The following FMNL2 variants were observed in gnomAD, a reference collection of about 807,000 sequenced individuals.
FMNL2 encodes formin like 2.
Under a neutral mutation model 130.2 loss-of-function variants are expected in FMNL2, and 51 were observed. The ratio of observed to expected loss-of-function variants is 0.39; its 90% CI spans 0.31 to 0.49. The LOEUF (loss-of-function observed/expected upper bound fraction) is 0.49, where lower values mean the gene tolerates loss of function less well. Among genes scored for constraint, FMNL2 ranks in the 20% least tolerant of loss-of-function variants. FMNL2 has a pLI of 0.85. For synonymous variants in FMNL2, 465 were observed against 467.1 expected (o/e 1.00, Z 0.06); for missense variants, 977 against 1,316.2 (o/e 0.74, Z 3.99).
chr2:152,350,068 G>A (rs968383118), intron 1 of FMNL2, among the ~76,000 whole-genome samples: 5 of 152,128 alleles, frequency 3.3e-5, no homozygotes, highest in East Asian at 1.9e-4. Flanking sequence ...GAAATGGAGC[G>A]TTTAGATGGT....
intron 14 of FMNL2, 35 bp downstream of exon 14, chr2:152,619,193 T>C (rs1178444147): frequency 4.0e-6 from 6 of 1,518,260 alleles, no homozygotes; most frequent in Non-Finnish European, 4.4e-6. Flanking sequence ...GAGGAAGTTT[T>C]GGAATATTTG....
chr2:152,449,086 G>T (rs1278223598), intron 1 of FMNL2, among the ~76,000 whole-genome samples: 1 of 152,206 alleles, frequency 6.6e-6, no homozygotes, highest in African/African-American at 2.4e-5. Context: ...AACAGAAGGG[G>T]TGTTCAATAT....
At chr2:152,423,497 G>C (rs1307056469) in intron 1 of FMNL2, among the ~76,000 whole-genome samples, 1 of 152,156 alleles carries the variant, frequency 6.6e-6, no homozygotes, top group Non-Finnish European at 1.5e-5. Flanking sequence ...TGGATGGAAG[G>C]CATCAGGAAG....
At chr2:152,598,506 TG>T (rs1697880901) in intron 9 of FMNL2, among the ~76,000 whole-genome samples, 1 of 152,136 alleles carries the variant, frequency 6.6e-6, no homozygotes, top group South Asian at 2.1e-4. Flanking sequence ...CTGGCCAACA[TG>T]GCGAAACCCC....
intron 2 of FMNL2, among the ~76,000 whole-genome samples, chr2:152,540,040 T>C (rs560838620): frequency 2.0e-5 from 3 of 152,216 alleles, no homozygotes; most frequent in Admixed American, 1.3e-4. Flanking sequence ...CAGTGAGCTG[T>C]GATTGTGCCA....
intron 1 of FMNL2, among the ~76,000 whole-genome samples, chr2:152,387,625 GGTT>G (rs1684855348): frequency 6.6e-6 from 1 of 152,060 alleles, no homozygotes; most frequent in South Asian, 2.1e-4. Context: ...CTCCATGTCT[GGTT>G]GTTTTTTAAA....
intron 3 of FMNL2, among the ~76,000 whole-genome samples, chr2:152,546,855 C>A (rs1021708455): frequency 6.6e-6 from 1 of 152,128 alleles, no homozygotes; most frequent in Admixed American, 6.6e-5. Context: ...TACTGACTCT[C>A]CTCTACTCTA....
intron 9 of FMNL2, among the ~76,000 whole-genome samples, chr2:152,589,962 T>TAC (rs1697305703): frequency 2.1e-5 from 1 of 48,680 alleles, no homozygotes; most frequent in Non-Finnish European, 4.0e-5. Flanking sequence ...TATATATATA[T>TAC]ATATATATAT....
intron 25 of FMNL2, chr2:152,643,878 T>C: frequency 1.0e-6 from 1 of 985,426 alleles, no homozygotes; most frequent in Non-Finnish European, 1.2e-6. Flanking sequence ...TTTGAGCTAA[T>C]GTCCTTCAAC....
Position 152,619,573 on chromosome 2 carries a change from T to TCCCCCC in FMNL2, c.1697_1698insCCCCCC (p.Pro572_Pro573dup). 1 of 513,554 alleles carries TCCCCCC rather than the reference T, an allele frequency of 1.9e-6. No individual in the cohort carries two copies. The allele number at this position is 513,554 out of a possible 1,614,324, so 31.8% of individuals were successfully genotyped here. ...CGCCGCCCCCTCCTCCACCTCCTCC[T>TCCCCCC]CCCCCACCGCCCCCTCCGCCTCCTC... On this transcript the variant is annotated inframe_insertion, in exon 15 of 26. Coordinates refer to ENST00000288670, the MANE Select transcript of FMNL2 (RefSeq NM_052905.4).
chr2:152,531,256 C>T (rs1206875559), intron 2 of FMNL2, among the ~76,000 whole-genome samples: 4 of 152,114 alleles, frequency 2.6e-5, no homozygotes, highest in Non-Finnish European at 5.9e-5. Flanking sequence ...TTGTCCTCAG[C>T]AATGACCCAT....
rs1692387876 is a variant in FMNL2, at chr2:152,509,737, C to CTTTTTTTCTT, written c.118-12199_118-12198insCTTTTTTTTT. Among the ~76,000 whole-genome samples the CTTTTTTTCTT allele has an allele frequency of 3.4e-5, 2 of 58,676 alleles. 1 individual carries two copies. The highest frequency in any genetic ancestry group is 5.7e-5 in the Non-Finnish European group (2 of 35,060). The allele number at this position is 58,676 out of a possible 152,430, so 38.5% of individuals were successfully genotyped here. On this transcript the variant is annotated intron_variant, in intron 1 of 25. Transcript: ENST00000288670. ...GAGAAGGTATATCTGTACTCTGGAC[C>CTTTTTTTCTT]TTTTTTTTTTTTTTTTTTTTTTTTT...
chr2:152,604,774 T>C (rs1698266688), intron 9 of FMNL2, among the ~76,000 whole-genome samples: 1 of 152,068 alleles, frequency 6.6e-6, no homozygotes, highest in African/African-American at 2.4e-5. Flanking sequence ...TTTTGTATTT[T>C]TAGTACAGAC....
At chr2:152,513,227 G>C (rs1478921555) in intron 1 of FMNL2, among the ~76,000 whole-genome samples, 1 of 152,162 alleles carries the variant, frequency 6.6e-6, no homozygotes, top group Non-Finnish European at 1.5e-5. Flanking sequence ...TAACCACCTA[G>C]AGACATGATC....
chr2:152,620,526 A>ACG (rs1699197236), intron 15 of FMNL2, among the ~76,000 whole-genome samples: 1 of 152,162 alleles, frequency 6.6e-6, no homozygotes, highest in African/African-American at 2.4e-5. Flanking sequence ...AAGCTTTGCC[A>ACG]TCCCTGTGAC....
intron 1 of FMNL2, among the ~76,000 whole-genome samples, chr2:152,494,256 T>C (rs1691373576): frequency 6.6e-6 from 1 of 152,198 alleles, no homozygotes; most frequent in African/African-American, 2.4e-5. Context: ...ACTAAAGTTG[T>C]AGAAGGCATT....
intron 1 of FMNL2, among the ~76,000 whole-genome samples, chr2:152,381,124 A>G (rs1001355665): frequency 6.6e-6 from 1 of 152,216 alleles, no homozygotes; most frequent in Non-Finnish European, 1.5e-5. Context: ...AAGGATATTG[A>G]TCACAACATA....
intron 1 of FMNL2, among the ~76,000 whole-genome samples, chr2:152,507,782 G>C (rs1470132186): frequency 6.6e-6 from 1 of 152,030 alleles, no homozygotes; most frequent in Non-Finnish European, 1.5e-5. Context: ...CTAACAGGGA[G>C]ATCTTTTTGT....
chr2:152,445,779 C>A (rs2106149977), intron 1 of FMNL2, among the ~76,000 whole-genome samples: 1 of 152,244 alleles, frequency 6.6e-6, no homozygotes, highest in Admixed American at 6.5e-5. Flanking sequence ...CCACTGTAGA[C>A]TTTGTTCTAG....
Sources: allele counts gnomAD v4.1 joint callset (sites outside exome capture counted in the v4.1 genomes callset), GRCh38; gene constraint gnomAD v4.1.1; transcripts MANE v1.5; gene names NCBI Gene and HGNC (gene_info 2026-07-23, HGNC 2026-07-21).